The following UPRT variants were observed in gnomAD, a reference collection of about 807,000 sequenced individuals.
UPRT encodes the protein uracil phosphoribosyltransferase homolog, also known as RP11-311P8.3.
Under a neutral mutation model 22.6 loss-of-function variants are expected in UPRT, and 5 were observed. The observed-to-expected ratio is 0.22, with a 90% CI of 0.12 to 0.47. The LOEUF (loss-of-function observed/expected upper bound fraction) is 0.47. Ranked by LOEUF, UPRT falls within the 20% of genes least tolerant of loss-of-function variation. The pLI is 0.99. For synonymous variants in UPRT, 77 were observed against 87.7 expected, an observed-to-expected ratio of 0.88 and a Z score of 0.68; for missense variants, 181 against 239.9, an observed-to-expected ratio of 0.75 and a Z score of 1.62.
chrX:75,208,583 G>A (rs2082372542), intron 4 of UPRT, among the ~76,000 whole-genome samples: 3 of 111,488 alleles, frequency 2.7e-5, no homozygotes, highest in Non-Finnish European at 5.7e-5. Flanking sequence ...TATGGCTTGG[G>A]GACCACCAGA....
intron 4 of UPRT, among the ~76,000 whole-genome samples, chrX:75,207,056 A>G (rs748354029): frequency 8.9e-6 from 1 of 112,401 alleles, no homozygotes; most frequent in Non-Finnish European, 1.9e-5. Flanking sequence ...GGTATCCCTT[A>G]CAATGGATAA....
At chrX:75,201,103 A>G (rs1040847575) in intron 4 of UPRT, among the ~76,000 whole-genome samples, 3 of 112,512 alleles carry the variant, frequency 2.7e-5, no homozygotes, top group African/African-American at 9.7e-5. Flanking sequence ...ATTTGGAGCT[A>G]GGTCAGTCCA....
At chrX:75,251,999 G>C in intron 4 of UPRT, among the ~76,000 whole-genome samples, 1 of 112,084 alleles carries the variant, frequency 8.9e-6, no homozygotes, top group South Asian at 3.7e-4. Context: ...TGGGAAAACT[G>C]GCTATCCAGA....
intron 4 of UPRT, among the ~76,000 whole-genome samples, chrX:75,227,788 A>G (rs1294892933): frequency 8.9e-6 from 1 of 112,569 alleles, no homozygotes; most frequent in Non-Finnish European, 1.9e-5. Context: ...AAGCAGGTAC[A>G]TGTTAGTTCA....
At chrX:75,194,909 T>C (rs2082328603) in intron 4 of UPRT, among the ~76,000 whole-genome samples, 1 of 109,766 alleles carries the variant, frequency 9.1e-6, no homozygotes, top group South Asian at 4.0e-4. Context: ...GGTGGGGAGC[T>C]GGTGGGTGTG....
chrX:75,271,916 G>T (rs975279649), upstream of UPRT, among the ~76,000 whole-genome samples: 1 of 111,488 alleles, frequency 9.0e-6, no homozygotes, highest in African/African-American at 3.3e-5. Context: ...AATTATCAGA[G>T]AGATGCAAAT....
intron 4 of UPRT, among the ~76,000 whole-genome samples, chrX:75,250,727 C>G (rs1448896385): frequency 6.3e-5 from 7 of 111,239 alleles, no homozygotes; most frequent in Non-Finnish European, 1.1e-4. Context: ...CAGCATCATC[C>G]TGATACCAAA....
At chrX:75,251,013 C>G (rs769775169) in intron 4 of UPRT, among the ~76,000 whole-genome samples, 9 of 111,806 alleles carry the variant, frequency 8.0e-5, no homozygotes, top group Middle Eastern at 9.2e-3. Context: ...ATTCAACAGC[C>G]ATTCATGCTA....
At chrX:75,172,075 G>A (rs1430870975) in intron 4 of UPRT, among the ~76,000 whole-genome samples, 1 of 112,153 alleles carries the variant, frequency 8.9e-6, no homozygotes, top group Non-Finnish European at 1.9e-5. Flanking sequence ...CCAGGACATG[G>A]CAGGCTTTCA....
intron 4 of UPRT, among the ~76,000 whole-genome samples, chrX:75,220,412 T>C (rs1215562079): frequency 9.0e-6 from 1 of 111,424 alleles, no homozygotes; most frequent in Admixed American, 9.6e-5. Context: ...TCAATGTTAT[T>C]ATCGATAAAT....
At chrX:75,299,057 T>C (rs1029576957) in intron 4 of UPRT, among the ~76,000 whole-genome samples, 5 of 113,088 alleles carry the variant, frequency 4.4e-5, no homozygotes, top group African/African-American at 1.6e-4. Context: ...AATTCTGATA[T>C]GGCCTAAAAT....
At chrX:75,287,673 A>G (rs1329862213) in intron 1 of UPRT, among the ~76,000 whole-genome samples, 1 of 111,614 alleles carries the variant, frequency 9.0e-6, no homozygotes, top group African/African-American at 3.3e-5. Flanking sequence ...TCTGAGATGC[A>G]GCAAAAGCAG....
chrX:75,232,179 G>C (rs1163895282), intron 4 of UPRT, among the ~76,000 whole-genome samples: 1 of 112,369 alleles, frequency 8.9e-6, no homozygotes. Context: ...AGGGGTGACA[G>C]ACGGCACCTG....
At chrX:75,293,879 C>T (rs1228534042) in intron 2 of UPRT, among the ~76,000 whole-genome samples, 3 of 111,444 alleles carry the variant, frequency 2.7e-5, no homozygotes, top group South Asian at 3.8e-4. Context: ...TGGTATCCAA[C>T]GAATGTACAA....
upstream of UPRT, chrX:75,274,034 C>T: frequency 2.4e-6 from 1 of 423,083 alleles, no homozygotes; most frequent in Non-Finnish European, 3.8e-6. Flanking sequence ...GGGAGTGCAG[C>T]CAATAGGGTG....
upstream of UPRT, among the ~76,000 whole-genome samples, chrX:75,270,005 A>G (rs2082603121): frequency 8.9e-6 from 1 of 111,876 alleles, no homozygotes; most frequent in South Asian, 3.7e-4. Context: ...CAATCTACCC[A>G]TCTGACAAAG....
Position 75,249,356 on chromosome X carries a change from G to A in UPRT, c.-446-41668G>A, listed in dbSNP as rs751245172. ...ACACATAGGCTCAAAATAAAGGGAT[G>A]GAGGAAGATCTACCAAGCAAATGGA... is the stretch of plus-strand genomic sequence containing the variant. On this transcript the variant is annotated intron_variant, in intron 4 of 13. Coordinates refer to the UPRT transcript ENST00000652605. 3.6e-5 allele frequency among the ~76,000 whole-genome samples: 4 copies of A among 111,525 alleles called. No homozygotes were observed. In the South Asian group the frequency reaches 1.5e-3, roughly 43 times the overall value.
At chrX:75,247,941 T>C (rs2082512897) in intron 4 of UPRT, among the ~76,000 whole-genome samples, 1 of 112,050 alleles carries the variant, frequency 8.9e-6, no homozygotes, top group African/African-American at 3.2e-5. Flanking sequence ...GCAGCCATTG[T>C]TGCTGATGCC....
At position 75,222,846 on chromosome X, in the gene UPRT, G is replaced by A. The variant is rs58284985; in HGVS notation, c.-447+54967G>A. 9.9e-4 allele frequency among the ~76,000 whole-genome samples: 109 copies of A among 110,291 alleles called. 1 individual carries two copies. Among genetic ancestry groups the A allele is most frequent in the African/African-American group, 3.5e-3 (105 of 30,358 alleles). ...GTTCTTTCCCACTGTGGCTGAGCTGGTACCTAACCTACAAGACAAAATCCC... is the reference window on the plus strand; with the variant it reads ...GTTCTTTCCCACTGTGGCTGAGCTGATACCTAACCTACAAGACAAAATCCC... On this transcript the variant is annotated intron_variant, in intron 4 of 13. Transcript: ENST00000652605.
Sources: allele counts gnomAD v4.1 joint callset (sites outside exome capture counted in the v4.1 genomes callset), GRCh38; gene constraint gnomAD v4.1.1; transcripts MANE v1.5; gene names NCBI Gene and HGNC (gene_info 2026-07-23, HGNC 2026-07-21).